Variants in EPS15L1 observed in about 807,000 individuals in gnomAD.
EPS15L1 encodes epidermal growth factor receptor substrate 15-like 1.
In EPS15L1, 43 loss-of-function variants were observed where a neutral mutation model predicts 117.1. That is an observed-to-expected ratio of 0.37 (90% confidence interval 0.29 to 0.47). The LOEUF (loss-of-function observed/expected upper bound fraction) is 0.47, where lower values mean the gene tolerates loss of function less well. Among genes scored for constraint, EPS15L1 ranks in the 20% least tolerant of loss-of-function variants. The pLI is 0.99. For synonymous variants in EPS15L1, 459 were observed against 470.5 expected, an observed-to-expected ratio of 0.98 and a Z score of 0.32; for missense variants, 981 against 1,164.0, an observed-to-expected ratio of 0.84 and a Z score of 2.29.
Position 16,381,050 on chromosome 19 carries a change from G to A in EPS15L1, c.2248-3796C>T, listed in dbSNP as rs911044123. Among the ~76,000 whole-genome samples, 2 of 152,226 alleles carry A rather than the reference G, an allele frequency of 1.3e-5. No homozygotes were observed. The highest frequency in any genetic ancestry group is 2.9e-5 in the Non-Finnish European group (2 of 68,034). ...GTCCCCCCGATAAGGGCAGTGGCAG[G>A]TGCCCCCAGGGAGGGGAAGGGGCCC... On this transcript the variant is annotated intron_variant, in intron 21 of 23. Transcript: ENST00000455140. This position sits in a 1 kb window ranked among gnomAD's most constrained non-coding sequence, Gnocchi z 4.2.
At chr19:16,414,175 T>C (rs2092734623) in intron 12 of EPS15L1, among the ~76,000 whole-genome samples, 1 of 152,066 alleles carries the variant, frequency 6.6e-6, no homozygotes, top group African/African-American at 2.4e-5. Flanking sequence ...AGGGGCCACG[T>C]GAGGGGGAAC....
intron 21 of EPS15L1, among the ~76,000 whole-genome samples, chr19:16,382,622 CTT>C (rs755907271): frequency 3.5e-5 from 5 of 141,098 alleles, no homozygotes; most frequent in East Asian, 2.0e-4. Context: ...TCACAGATGG[CTT>C]TTTTTTTTTT....
chr19:16,389,667 G>T (rs903851047), intron 19 of EPS15L1, among the ~76,000 whole-genome samples: 1 of 152,044 alleles, frequency 6.6e-6, no homozygotes. Context: ...TACAAAAATT[G>T]TAACAGTCTT....
chr19:16,396,922 A>G (rs2092546624), intron 16 of EPS15L1, among the ~76,000 whole-genome samples: 1 of 152,054 alleles, frequency 6.6e-6, no homozygotes, highest in Non-Finnish European at 1.5e-5. Flanking sequence ...GTGACGAAGT[A>G]GAACAGTGGC....
intron 1 of EPS15L1, among the ~76,000 whole-genome samples, chr19:16,455,411 C>T (rs1002169083): frequency 3.3e-5 from 5 of 152,174 alleles, no homozygotes; most frequent in Admixed American, 3.3e-4. Context: ...CAGGCATGAG[C>T]ACCAAACTCA....
rs2092204407 is a variant in EPS15L1 at position 16,370,353 on chromosome 19, G to C, written c.2380+6769C>G. On this transcript the variant is annotated intron_variant, in intron 22 of 23. Coordinates refer to ENST00000455140, the MANE Select transcript of EPS15L1 (RefSeq NM_001258374.3). The surrounding 1 kb of genome is among the most constrained non-coding windows in gnomAD (Gnocchi z 5.2). ...GAGGCGGTGCCCAGAGCTGCACCCA[G>C]AGCCCCCTTCTGAGGCGTCTGCCCC... Among the ~76,000 whole-genome samples the C allele has an allele frequency of 6.6e-6, 1 of 152,134 alleles. No individual in the cohort carries two copies. Among genetic ancestry groups the C allele is most frequent in the Non-Finnish European group, 1.5e-5 (1 of 68,018 alleles).
At chr19:16,454,819 C>CTT (rs538990101) in intron 1 of EPS15L1, among the ~76,000 whole-genome samples, 7 of 143,552 alleles carry the variant, frequency 4.9e-5, no homozygotes, top group African/African-American at 1.0e-4. Context: ...TTTCTTTTTT[C>CTT]TTTTTTTTTT....
At chr19:16,400,690 G>C in intron 16 of EPS15L1, 1 of 985,436 alleles carries the variant, frequency 1.0e-6, no homozygotes, top group Non-Finnish European at 1.2e-6. Flanking sequence ...TCGGATGCCA[G>C]TTGCAAGTTT....
At chr19:16,367,244 C>T (rs576798385) in intron 22 of EPS15L1, among the ~76,000 whole-genome samples, 17 of 151,508 alleles carry the variant, frequency 1.1e-4, no homozygotes, top group African/African-American at 4.1e-4. Context: ...CGGGAACTAC[C>T]GGGGACCACA....
At chr19:16,441,703 A>G (rs2093033398) in intron 3 of EPS15L1, 189 bp downstream of exon 3, 2 of 466,416 alleles carry the variant, frequency 4.3e-6, no homozygotes, top group Non-Finnish European at 7.7e-6. Context: ...ATCTGCTACC[A>G]AAGTAGTGGT....
chr19:16,466,430 C>T (rs2093305741), intron 1 of EPS15L1, among the ~76,000 whole-genome samples: 1 of 152,078 alleles, frequency 6.6e-6, no homozygotes, highest in African/African-American at 2.4e-5. Flanking sequence ...AGCATCAATC[C>T]CCACCGAATG....
rs146602189 is a variant in EPS15L1, at chr19:16,433,962, C to CACAAATAA, written c.498+402_498+403insTTATTTGT. Among the ~76,000 whole-genome samples, 7 of 148,974 alleles carry CACAAATAA rather than the reference C, an allele frequency of 4.7e-5. No homozygotes were observed. The East Asian group carries it at 1.4e-3, about 30-fold the overall frequency. On this transcript the variant is annotated intron_variant, in intron 7 of 23. Transcript: ENST00000455140. The stretch of plus-strand genomic sequence containing the variant: ...TAGGCAACAGAGCAAGACTCCATCT[C>CACAAATAA]ATAAATAAATAAATAAATAAATAAA...
rs2091972643 is a variant in EPS15L1, at chr19:16,355,837, C to T, written c.2601G>A (p.Glu867=). Residue 867 remains glutamate (E), a synonymous_variant, in exon 24 of 24, where the codon GAG becomes GAA. Coordinates refer to ENST00000455140, the MANE Select transcript of EPS15L1 (RefSeq NM_001258374.3). ...CCCGCTTGGCCCACGCCAGCTGCTGCTCCTCATTGCCAAACTGCAAAGGAA... is the reference window on the plus strand; with the variant it reads ...CCCGCTTGGCCCACGCCAGCTGCTGTTCCTCATTGCCAAACTGCAAAGGAA... ...FADFTSFGNE[E]QQLAWAKRES... is the part of the protein sequence containing the mutation. 2.0e-6 allele frequency: 3 copies of T among 1,535,808 alleles called. No individual in the cohort carries two copies. Among genetic ancestry groups the T allele is most frequent in the Non-Finnish European group, 2.6e-6 (3 of 1,146,704 alleles).
chr19:16,370,631 G>A lies in EPS15L1; in HGVS notation c.2380+6491C>T, dbSNP rs151018069. ...CCGCCTCTGGGTACAGTGTGCCCAG[G>A]AAGGCAAATGCTTCTATTTTCAAAC... On this transcript the variant is annotated intron_variant, in intron 22 of 23. Transcript: ENST00000455140. The surrounding 1 kb of genome is among the most constrained non-coding windows in gnomAD (Gnocchi z 5.2). 2.0e-5 allele frequency among the ~76,000 whole-genome samples: 3 copies of A among 152,310 alleles called. No homozygotes were observed. Among genetic ancestry groups the A allele is most frequent in the East Asian group, 3.9e-4 (2 of 5,194 alleles).
intron 1 of EPS15L1, among the ~76,000 whole-genome samples, chr19:16,468,315 G>A (rs1356149857): frequency 6.6e-6 from 1 of 152,124 alleles, no homozygotes; most frequent in Non-Finnish European, 1.5e-5. Flanking sequence ...AGCAAGGTTA[G>A]GTGGAGTCGA....
intron 1 of EPS15L1, among the ~76,000 whole-genome samples, chr19:16,445,591 T>C (rs889882248): frequency 6.6e-6 from 1 of 152,130 alleles, no homozygotes; most frequent in African/African-American, 2.4e-5. Flanking sequence ...TGAAGACACA[T>C]GTTGCTAATG....
chr19:16,400,874 C>T lies in EPS15L1; in HGVS notation c.1791+1447G>A, dbSNP rs968555784. ...CACTGCCAACTTTTATCCAAGAAAA[C>T]CGGTTTCTAAAAACCTGCAAAAGGG... On this transcript the variant is annotated intron_variant, in intron 16 of 23. Coordinates refer to ENST00000455140, the MANE Select transcript of EPS15L1 (RefSeq NM_001258374.3). 8 of 985,272 alleles carry T rather than the reference C, an allele frequency of 8.1e-6. No homozygotes were observed. The African/African-American group carries it at 8.7e-5, about 11-fold the overall frequency. The allele number at this position is 985,272 out of a possible 1,614,324, so 61.0% of individuals were successfully genotyped here.
rs370167441 is a variant in EPS15L1, at chr19:16,404,572, G to C, written c.1428+16C>G. The C allele has an allele frequency of 6.2e-7, 1 of 1,613,780 alleles. No individual in the cohort carries two copies. The highest frequency in any genetic ancestry group is 1.3e-5 in the African/African-American group (1 of 75,026). ...CCTGTGCATAGGGCGCTGCCCCGGA[G>C]GTGGCCGGGACCCACCATCTGAGTC... On this transcript the variant is annotated intron_variant, in intron 14 of 23. Coordinates refer to ENST00000455140, the MANE Select transcript of EPS15L1 (RefSeq NM_001258374.3). The surrounding 1 kb of genome is among the most constrained non-coding windows in gnomAD (Gnocchi z 4.2).
intron 1 of EPS15L1, among the ~76,000 whole-genome samples, chr19:16,460,273 GTC>G (rs1284276369): frequency 3.9e-5 from 6 of 152,242 alleles, no homozygotes; most frequent in Admixed American, 3.3e-4. Context: ...GACAGAGCCT[GTC>G]TCTAAAAATA....
Sources: gnomAD v4.1 joint callset for allele counts (sites outside exome capture counted in the v4.1 genomes callset) on GRCh38, gnomAD v4.1.1 for gene constraint, Gnocchi (gnomAD v3.1) non-coding constraint, MANE v1.5 for transcripts, NCBI Gene and HGNC (gene_info 2026-07-23, HGNC 2026-07-21) for gene names.